The following PRP4K variants were observed in gnomAD, a reference collection of about 807,000 sequenced individuals.
PRP4K encodes the protein serine/threonine-protein kinase PRP4 homolog.
the PRP4K span, chr6:4,031,947 T>C: frequency 1.2e-6 from 2 of 1,614,036 alleles, no homozygotes; most frequent in Non-Finnish European, 1.7e-6. Flanking sequence ...TGAGTCTGGC[T>C]CTGAAGAAGA....
the PRP4K span, among the ~76,000 whole-genome samples, chr6:4,035,128 T>G: frequency 6.6e-6 from 1 of 150,802 alleles, no homozygotes; most frequent in Non-Finnish European, 1.5e-5. Flanking sequence ...TTTTGTTTTG[T>G]TTTTTTGAGA....
chr6:4,025,302 C>A, the PRP4K span, among the ~76,000 whole-genome samples: 1 of 152,130 alleles, frequency 6.6e-6, no homozygotes, highest in African/African-American at 2.4e-5. Flanking sequence ...TTTTCTTGAG[C>A]TTTAGAAGAA....
At chr6:4,060,062 G>A in the PRP4K span, among the ~76,000 whole-genome samples, 4 of 152,336 alleles carry the variant, frequency 2.6e-5, no homozygotes, top group African/African-American at 4.8e-5. The surrounding 1 kb of genome is among the most constrained non-coding windows in gnomAD (Gnocchi z 4.7). Context: ...ACAGTCATGC[G>A]TCACATAACC....
the PRP4K span, chr6:4,051,938 A>ATTT: frequency 7.1e-6 from 8 of 1,125,260 alleles, no homozygotes; most frequent in African/African-American, 1.6e-5. Context: ...TTTTACCCCA[A>ATTT]TTTTTTTTTT....
the PRP4K span, chr6:4,061,359 G>T: frequency 6.6e-6 from 1 of 152,610 alleles, no homozygotes; most frequent in Admixed American, 6.5e-5. Context: ...TGGATAGAGC[G>T]CCTTCAGTGT....
At chr6:4,041,105 G>A in the PRP4K span, among the ~76,000 whole-genome samples, 1 of 152,224 alleles carries the variant, frequency 6.6e-6, no homozygotes, top group East Asian at 1.9e-4. Context: ...GTTAGTAAGC[G>A]GTTTTCTGAA....
At chr6:4,028,481 C>G in the PRP4K span, among the ~76,000 whole-genome samples, 1 of 152,130 alleles carries the variant, frequency 6.6e-6, no homozygotes, top group African/African-American at 2.4e-5. Flanking sequence ...TGTGGGCTTA[C>G]AAGTGTGAAC....
At chr6:4,040,121 C>T in the PRP4K span, among the ~76,000 whole-genome samples, 285 of 151,446 alleles carry the variant, frequency 1.9e-3, no homozygotes, top group African/African-American at 6.6e-3. Flanking sequence ...CCCGAGCTCC[C>T]TGCCTGCCTT....
At chr6:4,025,879 C>T in the PRP4K span, among the ~76,000 whole-genome samples, 1 of 152,170 alleles carries the variant, frequency 6.6e-6, no homozygotes, top group Non-Finnish European at 1.5e-5. Context: ...TAGGTGTGTG[C>T]CTACTATGTG....
chr6:4,053,410 G>A, the PRP4K span, among the ~76,000 whole-genome samples: 1 of 152,040 alleles, frequency 6.6e-6, no homozygotes, highest in African/African-American at 2.4e-5. Flanking sequence ...CTTGTGTCAT[G>A]GAGGGTTTGT....
At chr6:4,021,514 C>A in the PRP4K span, 2 of 1,560,124 alleles carry the variant, frequency 1.3e-6, no homozygotes, top group Non-Finnish European at 8.7e-7. Flanking sequence ...CGGGGACTGC[C>A]GAGTGGGAGC....
the PRP4K span, chr6:4,049,784 T>C: frequency 6.2e-7 from 1 of 1,613,710 alleles, no homozygotes; most frequent in Non-Finnish European, 8.5e-7. Context: ...ATGGCTACAC[T>C]GGGCAAGGTG....
At chr6:4,038,156 A>C in the PRP4K span, among the ~76,000 whole-genome samples, 2 of 152,324 alleles carry the variant, frequency 1.3e-5, no homozygotes, top group South Asian at 4.1e-4. Context: ...GAAGTAATAA[A>C]TGAATATAAT....
chr6:4,047,113 A>G, the PRP4K span: 1 of 1,401,574 alleles, frequency 7.1e-7, no homozygotes, highest in Non-Finnish European at 1.0e-6. Flanking sequence ...CTTCCCATTC[A>G]CTTATTTTGT....
At chr6:4,026,369 C>T in the PRP4K span, among the ~76,000 whole-genome samples, 62,351 of 145,184 alleles carry the variant, frequency 0.43, 16,021 homozygotes, top group East Asian at 0.62. Context: ...ATGGCGCAAT[C>T]TTGGGTCACT....
At chr6:4,047,289 A>T in the PRP4K span, 1 of 1,462,950 alleles carries the variant, frequency 6.8e-7, no homozygotes, top group African/African-American at 1.4e-5. Context: ...AAAAAAAATA[A>T]CAAATATATT....
the PRP4K span, among the ~76,000 whole-genome samples, chr6:4,058,294 G>C: frequency 6.6e-6 from 1 of 152,310 alleles, no homozygotes; most frequent in East Asian, 1.9e-4. Context: ...ACATAAAAAT[G>C]AGCTATGTTG....
chr6:4,047,005 C>T, the PRP4K span, among the ~76,000 whole-genome samples: 34 of 152,258 alleles, frequency 2.2e-4, 1 homozygote, highest in African/African-American at 7.7e-4. Flanking sequence ...AAGTGAATAC[C>T]TTTATGTATC....
chr6:4,053,856 T>C, the PRP4K span, among the ~76,000 whole-genome samples: 2 of 152,196 alleles, frequency 1.3e-5, no homozygotes, highest in Admixed American at 6.5e-5. Flanking sequence ...TATTGGGAAC[T>C]CTTGGAGCTA....
Sources: allele counts gnomAD v4.1 joint callset (sites outside exome capture counted in the v4.1 genomes callset), GRCh38; gene constraint gnomAD v4.1.1; non-coding constraint Gnocchi (gnomAD v3.1); transcripts MANE v1.5; gene names NCBI Gene and HGNC (gene_info 2026-07-23, HGNC 2026-07-21).